LRRC4C: variants seen among roughly 807,000 people sequenced by gnomAD.
The protein encoded by LRRC4C is leucine rich repeat containing 4C, also known as leucine-rich repeat-containing protein 4C.
Under a neutral mutation model 33.6 loss-of-function variants are expected in LRRC4C, and 5 were observed. The observed-to-expected ratio is 0.15, with a 90% CI of 0.08 to 0.31. The LOEUF is 0.31. Among genes scored for constraint, LRRC4C ranks in the 10% least tolerant of loss-of-function variants. The pLI, the probability that LRRC4C is intolerant of heterozygous loss-of-function variation, is 1.00. For missense variants in LRRC4C, 560 were observed against 796.7 expected, an observed-to-expected ratio of 0.70 and a Z score of 3.58; for synonymous variants, 329 against 302.0, an observed-to-expected ratio of 1.09 and a Z score of -0.93.
chr11:40,262,129 T>C (rs977223014), intron 4 of LRRC4C, among the ~76,000 whole-genome samples: 26 of 151,966 alleles, frequency 1.7e-4, no homozygotes, highest in Non-Finnish European at 1.3e-4. Context: ...TAAACAAATT[T>C]ACAAGAGAAA....
chr11:40,941,035 T>C (rs932971358), intron 1 of LRRC4C, among the ~76,000 whole-genome samples: 2 of 145,302 alleles, frequency 1.4e-5, no homozygotes, highest in Non-Finnish European at 3.0e-5. Context: ...ATACGAAAAA[T>C]GAAGTGGGAC....
intron 3 of LRRC4C, among the ~76,000 whole-genome samples, chr11:40,587,188 C>G (rs937314898): frequency 6.6e-6 from 1 of 151,928 alleles, no homozygotes; most frequent in Non-Finnish European, 1.5e-5. Flanking sequence ...AGAGGTCCTT[C>G]ACTTCCCTTG....
intron 2 of LRRC4C, among the ~76,000 whole-genome samples, chr11:40,767,679 T>G (rs754016554): frequency 3.3e-5 from 5 of 151,874 alleles, no homozygotes; most frequent in Non-Finnish European, 5.9e-5. Flanking sequence ...CTTTAAAAAG[T>G]ATACAAACAC....
At chr11:40,719,315 G>A (rs1946887966) in intron 2 of LRRC4C, among the ~76,000 whole-genome samples, 1 of 152,176 alleles carries the variant, frequency 6.6e-6, no homozygotes, top group African/African-American at 2.4e-5. Flanking sequence ...TTTAATTCTA[G>A]TCTTCTAAGA....
At chr11:40,696,029 GTGTA>G (rs1458165617) in intron 2 of LRRC4C, among the ~76,000 whole-genome samples, 1 of 134,650 alleles carries the variant, frequency 7.4e-6, no homozygotes, top group Non-Finnish European at 1.5e-5. Context: ...TGGTGTGTGT[GTGTA>G]TATATATATG....
At chr11:41,295,961 T>C (rs754128168) in intron 1 of LRRC4C, among the ~76,000 whole-genome samples, 1 of 152,232 alleles carries the variant, frequency 6.6e-6, no homozygotes, top group African/African-American at 2.4e-5. Flanking sequence ...TCCCAGAACT[T>C]ACTCTCATTT....
At chr11:40,228,020 T>C (rs1369677311) in intron 5 of LRRC4C, among the ~76,000 whole-genome samples, 1 of 152,166 alleles carries the variant, frequency 6.6e-6, no homozygotes, top group Non-Finnish European at 1.5e-5. Context: ...ACATGATAAC[T>C]AGTAAAAGTC....
At chr11:40,315,788 C>T (rs942269050) in intron 4 of LRRC4C, among the ~76,000 whole-genome samples, 1 of 151,952 alleles carries the variant, frequency 6.6e-6, no homozygotes, top group Non-Finnish European at 1.5e-5. Context: ...AGGTCTCTGA[C>T]AGGGTTACAC....
At chr11:41,295,185 G>A (rs536205076) in intron 1 of LRRC4C, among the ~76,000 whole-genome samples, 3 of 152,194 alleles carry the variant, frequency 2.0e-5, no homozygotes, top group Admixed American at 6.5e-5. Flanking sequence ...CAAAAAATAA[G>A]AGCACTGTTA....
chr11:41,453,216 G>T (rs959980171), intron 1 of LRRC4C, among the ~76,000 whole-genome samples: 2 of 152,088 alleles, frequency 1.3e-5, no homozygotes, highest in Admixed American at 1.3e-4. Flanking sequence ...TCCTGTAACT[G>T]CAGTACAATC....
At chr11:40,604,405 T>C (rs367951414) in intron 3 of LRRC4C, among the ~76,000 whole-genome samples, 2 of 152,154 alleles carry the variant, frequency 1.3e-5, no homozygotes, top group Admixed American at 1.3e-4. Context: ...TCTTCTCTTA[T>C]ATCTCAGAAG....
At chr11:40,960,068 A>C (rs1222583746) in intron 1 of LRRC4C, among the ~76,000 whole-genome samples, 2 of 151,546 alleles carry the variant, frequency 1.3e-5, no homozygotes, top group Admixed American at 1.3e-4. Context: ...GGAAAAACAG[A>C]CAAAAGATAA....
At chr11:41,233,744 T>G (rs555381019) in intron 1 of LRRC4C, among the ~76,000 whole-genome samples, 1 of 152,052 alleles carries the variant, frequency 6.6e-6, no homozygotes, top group Non-Finnish European at 1.5e-5. Context: ...TAGAAAAGCT[T>G]TCTTTTATTC....
intron 1 of LRRC4C, among the ~76,000 whole-genome samples, chr11:40,991,812 TA>T (rs1288114702): frequency 6.6e-6 from 1 of 152,160 alleles, no homozygotes; most frequent in Non-Finnish European, 1.5e-5. Flanking sequence ...GCTCAGGCTG[TA>T]ATGTGAGCGA....
intron 2 of LRRC4C, among the ~76,000 whole-genome samples, chr11:40,669,411 G>C (rs1435235423): frequency 6.6e-6 from 1 of 152,140 alleles, no homozygotes; most frequent in Non-Finnish European, 1.5e-5. Flanking sequence ...TTAGATTTCA[G>C]GCCATGAGAC....
intron 1 of LRRC4C, among the ~76,000 whole-genome samples, chr11:41,199,933 A>T (rs1275782211): frequency 6.6e-6 from 1 of 152,132 alleles, no homozygotes; most frequent in Non-Finnish European, 1.5e-5. Flanking sequence ...CTTAAACATG[A>T]ATAAGCCAAC....
chr11:40,157,773 G>C (rs962272420), intron 5 of LRRC4C, among the ~76,000 whole-genome samples: 11 of 152,102 alleles, frequency 7.2e-5, no homozygotes, highest in African/African-American at 2.2e-4. Flanking sequence ...TGCTGGCATG[G>C]ATGCGGTGAA....
chr11:41,324,371 G>A (rs749769131), intron 1 of LRRC4C, among the ~76,000 whole-genome samples: 26 of 152,148 alleles, frequency 1.7e-4, no homozygotes, highest in South Asian at 4.2e-4. Context: ...CAGAAGTTGC[G>A]GTGAGCCAAG....
intron 2 of LRRC4C, among the ~76,000 whole-genome samples, chr11:40,832,867 T>C (rs1430273708): frequency 6.6e-6 from 1 of 152,174 alleles, no homozygotes; most frequent in Non-Finnish European, 1.5e-5. Flanking sequence ...CCTATTAATA[T>C]AAAATCATCC....
Sources: allele counts gnomAD v4.1 joint callset (sites outside exome capture counted in the v4.1 genomes callset), GRCh38; gene constraint gnomAD v4.1.1; transcripts MANE v1.5; gene names NCBI Gene and HGNC (gene_info 2026-07-23, HGNC 2026-07-21).